The following SDHA variants were observed in gnomAD, a reference collection of about 807,000 sequenced individuals.
SDHA encodes the protein succinate dehydrogenase complex flavoprotein subunit A.
SDHA carries 48 observed loss-of-function variants against 78.4 expected under a neutral mutation model. The ratio of observed to expected loss-of-function variants is 0.61; its 90% confidence interval spans 0.49 to 0.78. The LOEUF (loss-of-function observed/expected upper bound fraction) is 0.78, where lower values mean the gene tolerates loss of function less well. Ranked by LOEUF, SDHA falls within the 30% of genes least tolerant of loss-of-function variation. SDHA has a pLI of 0.00. For synonymous variants in SDHA, 326 were observed against 353.9 expected (o/e 0.92, Z 0.88); for missense variants, 680 against 892.7 (o/e 0.76, Z 3.04).
intron 11 of SDHA, among the ~76,000 whole-genome samples, chr5:247,236 G>A (rs4956930): frequency 0.38 from 58,329 of 152,068 alleles, 12,949 homozygotes; most frequent in South Asian, 0.51. Context: ...TTCATACATG[G>A]TTCATTCCAC....
rs1734500083 is a variant in SDHA, at chr5:218,375, T to C, written c.20T>C (p.Leu7Pro). The C allele has an allele frequency of 1.4e-6, 2 of 1,455,906 alleles. No homozygotes were observed. Among genetic ancestry groups the C allele is most frequent in the South Asian group, 1.4e-5 (1 of 69,962 alleles). The allele number at this position is 1,455,906 out of a possible 1,614,324, so 90.2% of individuals were successfully genotyped here. MSGVRG[L>P]SRLLSARRLA... Reference sequence around the variant, plus strand: ...GCAGACATGTCGGGGGTCCGGGGCCTGTCGCGGCTGCTGAGCGCTCGGCGC... The same window carrying C: ...GCAGACATGTCGGGGGTCCGGGGCCCGTCGCGGCTGCTGAGCGCTCGGCGC... The change falls in exon 1 of 15, where the codon CTG (leucine) becomes CCG (proline). Residue 7 changes from leucine to proline, a missense_variant. By Grantham distance (98) the Leu-to-Pro change is moderately conservative (BLOSUM62 -3). Transcript: ENST00000264932.
intron 8 of SDHA, 72 bp from the exon 9 acceptor site, chr5:235,072 C>A: frequency 6.9e-7 from 1 of 1,444,074 alleles, no homozygotes; most frequent in South Asian, 1.1e-5. Context: ...CACACACTTC[C>A]AAGATGACGT....
intron 1 of SDHA, among the ~76,000 whole-genome samples, chr5:219,290 T>C (rs570083431): frequency 6.6e-6 from 1 of 152,306 alleles, no homozygotes; most frequent in South Asian, 2.1e-4. Flanking sequence ...AGTGTCTGAA[T>C]GTGCCCTCTA....
At position 233,690 on chromosome 5, in the gene SDHA, C is replaced by T. The variant is rs750810568; in HGVS notation, c.1064+45C>T. 1.9e-6 allele frequency: 3 copies of T among 1,604,488 alleles called. No individual in the cohort carries two copies. The African/African-American group carries it at 4.0e-5, about 21-fold the overall frequency. Reference sequence around the variant, plus strand: ...AGCACTGTCTGAGCGGGCACACGGGCCGGGGTTGCTTCTGTGAGTTTCAGC... The same window carrying T: ...AGCACTGTCTGAGCGGGCACACGGGTCGGGGTTGCTTCTGTGAGTTTCAGC... On this transcript the variant is annotated intron_variant, in intron 8 of 14. Transcript: ENST00000264932.
chr5:225,810 T>C (rs772352951), intron 4 of SDHA, 73 bp from the exon 5 acceptor site: 13 of 1,571,712 alleles, frequency 8.3e-6, no homozygotes, highest in Non-Finnish European at 1.0e-5. Context: ...TAAACTTGTT[T>C]AGTGTAGATT....
chr5:218,392 G>C lies in SDHA; in HGVS notation c.37G>C (p.Ala13Pro). ...GVRGLSRLLSARRLALAKAWP... is the reference protein window; with the variant it reads ...GVRGLSRLLSPRRLALAKAWP... Reference sequence around the variant, plus strand: ...CCGGGGCCTGTCGCGGCTGCTGAGCGCTCGGCGCCTGGCGCTGGCCAAGGC... The same window carrying C: ...CCGGGGCCTGTCGCGGCTGCTGAGCCCTCGGCGCCTGGCGCTGGCCAAGGC... Residue 13 changes from alanine (A) to proline (P), a missense_variant, in exon 1 of 15, where the codon GCT (alanine) becomes CCT (proline). Coordinates refer to ENST00000264932, the MANE Select transcript of SDHA (RefSeq NM_004168.4). 1 of 1,450,906 alleles carries C rather than the reference G, an allele frequency of 6.9e-7. No homozygotes were observed. Among genetic ancestry groups the C allele is most frequent in the Non-Finnish European group, 9.0e-7 (1 of 1,111,016 alleles). The allele number at this position is 1,450,906 out of a possible 1,614,324, so 89.9% of individuals were successfully genotyped here.
chr5:251,761 C>A, intron 13 of SDHA: 1 of 1,361,658 alleles, frequency 7.3e-7, no homozygotes, highest in South Asian at 1.2e-5. Context: ...GTGGCAAGAC[C>A]AGGAAATAAA....
intron 11 of SDHA, among the ~76,000 whole-genome samples, chr5:248,600 T>C (rs10462611): frequency 0.24 from 36,567 of 151,982 alleles, 6,866 homozygotes; most frequent in African/African-American, 0.53. Flanking sequence ...TAAATCTGCT[T>C]CTATAATTGA....
chr5:246,037 T>C (rs11133943), intron 11 of SDHA, among the ~76,000 whole-genome samples: 52,852 of 152,044 alleles, frequency 0.35, 11,129 homozygotes, highest in African/African-American at 0.59. Flanking sequence ...ACTAAGGGAG[T>C]GCCTCAGCTG....
At position 225,956 on chromosome 5, in the gene SDHA, G is replaced by A. The variant is rs1553997783; in HGVS notation, c.530G>A (p.Ser177Asn). 1 of 1,614,128 alleles carries A rather than the reference G, an allele frequency of 6.2e-7. No individual in the cohort carries two copies. Among genetic ancestry groups the A allele is most frequent in the Non-Finnish European group, 8.5e-7 (1 of 1,180,046 alleles). ...TATCAGCGTGCATTTGGTGGACAGA[G>A]CCTCAAGTTTGGAAAGGGCGGGCAG... ...KIYQRAFGGQ[S>N]LKFGKGGQAH... is the part of the protein sequence containing the mutation. The change falls in exon 5 of 15, where the codon AGC becomes AAC. Residue 177 changes from serine (S) to asparagine (N), a missense_variant. Physicochemically the swap from Ser to Asn is conservative, Grantham distance 46. Transcript: ENST00000264932.
At chr5:230,177 A>G (rs1735303158) in intron 6 of SDHA, among the ~76,000 whole-genome samples, 1 of 148,418 alleles carries the variant, frequency 6.7e-6, no homozygotes, top group Non-Finnish European at 1.5e-5. Flanking sequence ...ATAAATCATC[A>G]CGCTGTACAC....
chr5:266,823 G>GCGTGTAAGATAT, the SDHA span, among the ~76,000 whole-genome samples: 5 of 152,042 alleles, frequency 3.3e-5, no homozygotes, highest in African/African-American at 9.7e-5. Flanking sequence ...GGTGGCCGCT[G>GCGTGTAAGATAT]TCTGTAAGAT....
chr5:235,088 C>T (rs1318807681), intron 8 of SDHA, 56 bp from the exon 9 acceptor site: 2 of 1,534,808 alleles, frequency 1.3e-6, no homozygotes, highest in East Asian at 2.2e-5. Context: ...GACGTATTCT[C>T]AGGTCTCCTG....
rs1737060688 is a variant in SDHA at position 254,569 on chromosome 5, G to A, written c.1908+63G>A. The A allele has an allele frequency of 1.0e-5, 15 of 1,487,672 alleles. No individual in the cohort carries two copies. In the South Asian group the frequency reaches 1.7e-4, roughly 17 times the overall value. The allele number at this position is 1,487,672 out of a possible 1,614,324, so 92.2% of individuals were successfully genotyped here. ...CACACGGCCCCGCCCAGGCCTGCGG[G>A]CTGGCCTTGCTGATGGTGAACGGGG... On this transcript the variant is annotated intron_variant, in intron 14 of 14. Coordinates refer to ENST00000264932, the MANE Select transcript of SDHA (RefSeq NM_004168.4).
At chr5:233,133 A>G (rs1292115403) in intron 7 of SDHA, among the ~76,000 whole-genome samples, 1 of 152,248 alleles carries the variant, frequency 6.6e-6, no homozygotes, top group Non-Finnish European at 1.5e-5. Context: ...TAGTCACCAC[A>G]GTATCATAGT....
intron 1 of SDHA, chr5:220,418 G>T (rs1734648460): frequency 6.1e-6 from 2 of 326,156 alleles, no homozygotes; most frequent in Admixed American, 3.5e-5. Context: ...TGAATGGATT[G>T]TTCTGAATAT....
chr5:234,442 AAAC>A (rs1735635735), intron 8 of SDHA: 1 of 149,444 alleles, frequency 6.7e-6, no homozygotes, highest in East Asian at 2.0e-4. Context: ...AAAAAAAAAA[AAAC>A]AGAGAAGTCA....
At chr5:233,734 C>T (rs1439061338) in intron 8 of SDHA, 89 bp downstream of exon 8, 16 of 1,296,252 alleles carry the variant, frequency 1.2e-5, no homozygotes, top group Admixed American at 1.7e-5. Context: ...CCCTCACCTT[C>T]GTGTGCAGGC....
chr5:257,827 A>C (rs1352398330), downstream of SDHA, among the ~76,000 whole-genome samples: 7 of 27,990 alleles, frequency 2.5e-4, no homozygotes, highest in Admixed American at 3.8e-4. Context: ...GGTGAGCTCC[A>C]CCCCCTGCCA....
Sources: allele counts gnomAD v4.1 joint callset (sites outside exome capture counted in the v4.1 genomes callset), GRCh38; gene constraint gnomAD v4.1.1; transcripts MANE v1.5; gene names NCBI Gene and HGNC (gene_info 2026-07-23, HGNC 2026-07-21).